Variants in TMEFF2 observed in about 807,000 individuals in gnomAD.
TMEFF2 encodes the protein transmembrane protein with EGF like and two follistatin like domains 2, also known as tomoregulin-2.
In TMEFF2, 28 loss-of-function variants were observed where a neutral mutation model predicts 53.8. The ratio of observed to expected loss-of-function variants is 0.52; its 90% confidence interval spans 0.39 to 0.71. TMEFF2 has a LOEUF of 0.71. Ranked by LOEUF, TMEFF2 falls within the 30% of genes least tolerant of loss-of-function variation. TMEFF2 has a pLI of 0.00. For missense variants in TMEFF2, 353 were observed against 455.2 expected (o/e 0.78, Z 2.04); for synonymous variants, 162 against 166.3 (o/e 0.97, Z 0.20).
At chr2:192,014,994 TA>T (rs1686712891) in intron 5 of TMEFF2, among the ~76,000 whole-genome samples, 1 of 152,190 alleles carries the variant, frequency 6.6e-6, no homozygotes. Flanking sequence ...ATCTTTGCAG[TA>T]AATGTAGTTA....
At position 192,114,738 on chromosome 2, in the gene TMEFF2, C is replaced by T. The variant is rs75277270; in HGVS notation, c.440-56963G>A. Among the ~76,000 whole-genome samples the T allele has an allele frequency of 2.4e-3, 368 of 151,848 alleles. 10 individuals are homozygous for T. In the East Asian group the frequency reaches 0.064, roughly 26 times the overall value. ...AAACTTAAACAAGGAGGTAAAAGTT[C>T]TATATACTGAACACATAAAACATGG... On this transcript the variant is annotated intron_variant, in intron 4 of 9. Coordinates refer to ENST00000272771, the MANE Select transcript of TMEFF2 (RefSeq NM_016192.4).
At chr2:192,159,845 A>G (rs1690591155) in intron 4 of TMEFF2, among the ~76,000 whole-genome samples, 1 of 152,154 alleles carries the variant, frequency 6.6e-6, no homozygotes, top group South Asian at 2.1e-4. Context: ...AATGTTGATC[A>G]AGAAATAAAA....
Position 192,075,332 on chromosome 2 carries a change from T to TATACAC in TMEFF2, c.440-17558_440-17557insGTGTAT, listed in dbSNP as rs796267672. Among the ~76,000 whole-genome samples the TATACAC allele has an allele frequency of 1.1e-4, 10 of 88,148 alleles. 1 individual carries two copies. Among genetic ancestry groups the TATACAC allele is most frequent in the African/African-American group, 3.7e-4 (9 of 24,368 alleles). The allele number at this position is 88,148 out of a possible 152,430, so 57.8% of individuals were successfully genotyped here. On this transcript the variant is annotated intron_variant, in intron 4 of 9. Transcript: ENST00000272771. ...ATATATATATATATATATATATATATACATACATACTATGTATATCCTTGC... is the reference window on the plus strand; with the variant it reads ...ATATATATATATATATATATATATATATACACACATACATACTATGTATATCCTTGC...
At chr2:192,117,598 A>C (rs1441780858) in intron 4 of TMEFF2, among the ~76,000 whole-genome samples, 1 of 152,104 alleles carries the variant, frequency 6.6e-6, no homozygotes, top group Non-Finnish European at 1.5e-5. Context: ...CCAAACTCCA[A>C]AATGAAAACT....
chr2:192,114,405 T>C (rs1689352021), intron 4 of TMEFF2, among the ~76,000 whole-genome samples: 3 of 151,652 alleles, frequency 2.0e-5, no homozygotes, highest in African/African-American at 7.3e-5. Context: ...GGATGCCCAC[T>C]CTCTCTACTG....
At chr2:192,132,687 A>G (rs1012105742) in intron 4 of TMEFF2, among the ~76,000 whole-genome samples, 2 of 152,106 alleles carry the variant, frequency 1.3e-5, no homozygotes, top group Non-Finnish European at 2.9e-5. Flanking sequence ...CGCTTCCCCC[A>G]GGAGCTTGCT....
At chr2:192,193,627 T>G (rs1446504787) in intron 1 of TMEFF2, among the ~76,000 whole-genome samples, 1 of 151,898 alleles carries the variant, frequency 6.6e-6, no homozygotes, top group Non-Finnish European at 1.5e-5. Context: ...ACCCGCAAAG[T>G]GTTCTTTTTC....
At chr2:192,052,236 T>G (rs978620390) in intron 5 of TMEFF2, among the ~76,000 whole-genome samples, 1 of 152,238 alleles carries the variant, frequency 6.6e-6, no homozygotes, top group Non-Finnish European at 1.5e-5. Context: ...CTTAAACCTG[T>G]GCACCTGTGC....
rs542174742 is a variant in TMEFF2 at position 192,064,416 on chromosome 2, T to C, written c.440-6641A>G. Reference sequence around the variant, plus strand: ...TTTATACAGCCATTCTACTCTTTTGTGTTAATTTCAAAGGCAAAAAGCTAA... The same window carrying C: ...TTTATACAGCCATTCTACTCTTTTGCGTTAATTTCAAAGGCAAAAAGCTAA... On this transcript the variant is annotated intron_variant, in intron 4 of 9. Transcript: ENST00000272771. Among the ~76,000 whole-genome samples the C allele has an allele frequency of 1.5e-3, 233 of 151,918 alleles. 1 individual carries two copies. The highest frequency in any genetic ancestry group is 2.6e-3 in the Non-Finnish European group (173 of 67,766).
chr2:192,071,704 A>G (rs961689949), intron 4 of TMEFF2, among the ~76,000 whole-genome samples: 1 of 151,914 alleles, frequency 6.6e-6, no homozygotes, highest in Non-Finnish European at 1.5e-5. Context: ...TCTCTGTGCT[A>G]CTTATACTAC....
intron 7 of TMEFF2, among the ~76,000 whole-genome samples, chr2:191,974,655 A>T (rs1397944452): frequency 6.6e-6 from 1 of 152,104 alleles, no homozygotes; most frequent in East Asian, 1.9e-4. Flanking sequence ...TGCAAATGGC[A>T]TTCTTTTTTA....
intron 4 of TMEFF2, among the ~76,000 whole-genome samples, chr2:192,074,146 A>G (rs1394773203): frequency 6.6e-6 from 1 of 152,030 alleles, no homozygotes; most frequent in East Asian, 1.9e-4. Context: ...TTCTTCTAAG[A>G]AGCCAGTAGA....
chr2:191,987,578 C>T (rs532774749), intron 7 of TMEFF2, among the ~76,000 whole-genome samples: 2 of 151,996 alleles, frequency 1.3e-5, no homozygotes, highest in East Asian at 1.9e-4. Flanking sequence ...AGCTAATTTT[C>T]GTGCTTTTTG....
chr2:192,115,198 A>T (rs898854609), intron 4 of TMEFF2, among the ~76,000 whole-genome samples: 4 of 152,156 alleles, frequency 2.6e-5, no homozygotes, highest in African/African-American at 9.6e-5. Flanking sequence ...CTACAAAGCT[A>T]TGGTAATCAA....
chr2:191,996,192 ATC>A (rs1022365598), intron 7 of TMEFF2, among the ~76,000 whole-genome samples: 1 of 151,962 alleles, frequency 6.6e-6, no homozygotes, highest in African/African-American at 2.4e-5. Flanking sequence ...GATCAGTAGA[ATC>A]TCTCATGATA....
At chr2:192,020,125 G>C (rs1686828736) in intron 5 of TMEFF2, among the ~76,000 whole-genome samples, 1 of 152,002 alleles carries the variant, frequency 6.6e-6, no homozygotes, top group African/African-American at 2.4e-5. Flanking sequence ...TGAATTGTAA[G>C]TTTTTCTTCC....
intron 5 of TMEFF2, among the ~76,000 whole-genome samples, chr2:192,030,910 C>T (rs1200105452): frequency 6.6e-6 from 1 of 152,124 alleles, no homozygotes; most frequent in Non-Finnish European, 1.5e-5. Flanking sequence ...AACAGAAATA[C>T]TGCAGGTTGG....
chr2:192,133,152 C>T (rs906315339), intron 4 of TMEFF2, among the ~76,000 whole-genome samples: 3 of 152,068 alleles, frequency 2.0e-5, no homozygotes, highest in African/African-American at 7.2e-5. Flanking sequence ...TTAGTTATCC[C>T]CACCTGCCCA....
chr2:192,000,564 C>G (rs966766707), intron 5 of TMEFF2, among the ~76,000 whole-genome samples: 4 of 152,136 alleles, frequency 2.6e-5, no homozygotes, highest in Non-Finnish European at 4.4e-5. Context: ...AGGGTAGCTT[C>G]TAACATTCTA....
Sources: allele counts gnomAD v4.1 joint callset (sites outside exome capture counted in the v4.1 genomes callset), GRCh38; gene constraint gnomAD v4.1.1; transcripts MANE v1.5; gene names NCBI Gene and HGNC (gene_info 2026-07-23, HGNC 2026-07-21).